Variants in LDLRAD3 observed in about 807,000 individuals in gnomAD.
The protein encoded by LDLRAD3 is low-density lipoprotein receptor class A domain-containing protein 3.
Under a neutral mutation model 29.4 loss-of-function variants are expected in LDLRAD3, and 20 were observed. That is an observed-to-expected ratio of 0.68 (90% CI 0.48 to 0.99). LDLRAD3 has a LOEUF of 0.99. Among genes scored for constraint, LDLRAD3 ranks in the 50% least tolerant of loss-of-function variants. LDLRAD3 has a pLI of 0.00. For missense variants in LDLRAD3, 420 were observed against 454.3 expected, an observed-to-expected ratio of 0.92 and a Z score of 0.69; for synonymous variants, 157 against 192.7, an observed-to-expected ratio of 0.81 and a Z score of 1.53.
At chr11:36,110,369 C>T (rs1229410343) in intron 4 of LDLRAD3, among the ~76,000 whole-genome samples, 1 of 152,160 alleles carries the variant, frequency 6.6e-6, no homozygotes, top group African/African-American at 2.4e-5. Context: ...GCTCTCTCTC[C>T]CCGGTGAATG....
intron 4 of LDLRAD3, among the ~76,000 whole-genome samples, chr11:36,162,306 G>T (rs1168645077): frequency 6.6e-6 from 1 of 152,146 alleles, no homozygotes; most frequent in East Asian, 1.9e-4. Context: ...TCCCTGGCAG[G>T]ATTCCTCATC....
intron 3 of LDLRAD3, among the ~76,000 whole-genome samples, chr11:36,092,669 G>T (rs1166394701): frequency 6.6e-6 from 1 of 152,122 alleles, no homozygotes; most frequent in South Asian, 2.1e-4. Flanking sequence ...ATTTCTTGCT[G>T]CCAGTTTGTC....
At chr11:35,980,056 C>T (rs978959805) in intron 1 of LDLRAD3, among the ~76,000 whole-genome samples, 1 of 152,120 alleles carries the variant, frequency 6.6e-6, no homozygotes, top group African/African-American at 2.4e-5. Context: ...TTAATTGAGC[C>T]TTAATCTCCA....
intron 1 of LDLRAD3, among the ~76,000 whole-genome samples, chr11:36,026,334 A>G (rs1852166725): frequency 6.6e-6 from 1 of 152,102 alleles, no homozygotes; most frequent in Admixed American, 6.5e-5. Flanking sequence ...AGTTTGTCTT[A>G]CAGTTTTGTA....
At chr11:36,155,001 C>T (rs1463634881) in intron 4 of LDLRAD3, among the ~76,000 whole-genome samples, 1 of 152,152 alleles carries the variant, frequency 6.6e-6, no homozygotes, top group Admixed American at 6.5e-5. Context: ...TGTTTTCCAC[C>T]CTCTCACCCT....
intron 4 of LDLRAD3, among the ~76,000 whole-genome samples, chr11:36,204,807 G>A (rs996221446): frequency 1.3e-5 from 2 of 152,122 alleles, no homozygotes; most frequent in African/African-American, 4.8e-5. Flanking sequence ...TTCTTTAATG[G>A]TTTCAGTTTT....
chr11:36,070,128 G>A (rs914475516), intron 2 of LDLRAD3, among the ~76,000 whole-genome samples: 6 of 152,152 alleles, frequency 3.9e-5, no homozygotes, highest in Admixed American at 1.3e-4. Flanking sequence ...TGTCAGCTTC[G>A]CTTTTGAATC....
In LDLRAD3 at chr11:36,175,924, T is replaced by C. The variant is rs190101149; in HGVS notation, c.455-51161T>C. Among the ~76,000 whole-genome samples the C allele has an allele frequency of 7.9e-3, 1,198 of 152,304 alleles. 14 individuals are homozygous for C. The highest frequency in any genetic ancestry group is 0.027 in the African/African-American group (1,127 of 41,574). On this transcript the variant is annotated intron_variant, in intron 4 of 5. Transcript: ENST00000315571. ...GGAGTATTGAAGTCCCCCACTATTA[T>C]TGTGTTGCTGTCTATCTCATTTCTT... is the stretch of plus-strand genomic sequence containing the variant.
intron 4 of LDLRAD3, among the ~76,000 whole-genome samples, chr11:36,153,454 G>A (rs1156360973): frequency 6.6e-6 from 1 of 152,074 alleles, no homozygotes; most frequent in East Asian, 1.9e-4. Context: ...ACAGTTGGGG[G>A]TATCTCTGCT....
rs1419811579 is a variant in LDLRAD3, at chr11:35,944,068, G to A, written c.-31G>A. The A allele has an allele frequency of 1.5e-5, 16 of 1,076,730 alleles. No individual in the cohort carries two copies. The highest frequency in any genetic ancestry group is 6.0e-5 in the East Asian group (1 of 16,534). The allele number at this position is 1,076,730 out of a possible 1,614,324, so 66.7% of individuals were successfully genotyped here. A position where few individuals can be genotyped will look rare whatever the true frequency, so the allele number is the denominator to read the frequency against. On this transcript the variant is annotated 5_prime_UTR_variant, in exon 1 of 6. Coordinates refer to ENST00000315571, the MANE Select transcript of LDLRAD3 (RefSeq NM_174902.4). The surrounding 1 kb of genome is among the most constrained non-coding windows in gnomAD (Gnocchi z 4.9). ...GCGCCGAGGCCGCGGGGGCAGCAAC[G>A]ACGCCGGGCAGCGGGAGCGGCGGCC...
intron 4 of LDLRAD3, among the ~76,000 whole-genome samples, chr11:36,170,452 G>T (rs1199164343): frequency 1.3e-5 from 2 of 151,818 alleles, no homozygotes; most frequent in Non-Finnish European, 2.9e-5. Flanking sequence ...TGCAAATTGT[G>T]CTGCTATAAA....
At chr11:35,961,340 A>G (rs1272960389) in intron 1 of LDLRAD3, among the ~76,000 whole-genome samples, 1 of 152,218 alleles carries the variant, frequency 6.6e-6, no homozygotes, top group Non-Finnish European at 1.5e-5. Context: ...GTGATGGTTC[A>G]GAAGGCAGGC....
At chr11:35,960,635 C>T (rs1010930500) in intron 1 of LDLRAD3, among the ~76,000 whole-genome samples, 1 of 152,158 alleles carries the variant, frequency 6.6e-6, no homozygotes, top group African/African-American at 2.4e-5. Flanking sequence ...CTCGCTCTGT[C>T]GCCCAGGCTG....
intron 1 of LDLRAD3, among the ~76,000 whole-genome samples, chr11:36,025,416 T>G: frequency 7.0e-6 from 1 of 143,650 alleles, no homozygotes; most frequent in Admixed American, 7.3e-5. Flanking sequence ...TGAGATGGAG[T>G]CTCGCTCTCT....
chr11:36,178,111 G>A (rs1383755151), intron 4 of LDLRAD3, among the ~76,000 whole-genome samples: 1 of 152,118 alleles, frequency 6.6e-6, no homozygotes, highest in Admixed American at 6.5e-5. Flanking sequence ...CTGTCCTTCT[G>A]AGTGGGAGCT....
chr11:36,173,139 G>A (rs1007025277), intron 4 of LDLRAD3, among the ~76,000 whole-genome samples: 2 of 151,798 alleles, frequency 1.3e-5, no homozygotes, highest in Non-Finnish European at 1.5e-5. Context: ...AGCCTTGAAT[G>A]GTCTTTTGTA....
At chr11:36,175,171 A>G (rs1051577648) in intron 4 of LDLRAD3, among the ~76,000 whole-genome samples, 1 of 152,182 alleles carries the variant, frequency 6.6e-6, no homozygotes, top group Admixed American at 6.5e-5. Flanking sequence ...CTCCCATTTC[A>G]TTCTTAATTG....
intron 1 of LDLRAD3, among the ~76,000 whole-genome samples, chr11:36,000,899 T>C (rs1398192051): frequency 6.6e-6 from 1 of 151,992 alleles, no homozygotes; most frequent in Non-Finnish European, 1.5e-5. Context: ...TAGGGGATGC[T>C]TCAGAGGGTC....
chr11:35,949,748 C>T (rs1851107675), intron 1 of LDLRAD3, among the ~76,000 whole-genome samples: 1 of 152,196 alleles, frequency 6.6e-6, no homozygotes, highest in African/African-American at 2.4e-5. Context: ...GTGCTTCCAC[C>T]TCTCTTCAGA....
Sources: allele counts gnomAD v4.1 joint callset (sites outside exome capture counted in the v4.1 genomes callset), GRCh38; gene constraint gnomAD v4.1.1; non-coding constraint Gnocchi (gnomAD v3.1); transcripts MANE v1.5; gene names NCBI Gene and HGNC (gene_info 2026-07-23, HGNC 2026-07-21).